The following PRKN variants were observed in gnomAD, a reference collection of about 807,000 sequenced individuals.
The protein encoded by PRKN is E3 ubiquitin-protein ligase parkin.
PRKN carries 56 observed loss-of-function variants against 59.5 expected under a neutral mutation model. The observed-to-expected ratio is 0.94, with a 90% confidence interval of 0.76 to 1.18. The LOEUF (loss-of-function observed/expected upper bound fraction) is 1.18, where lower values mean the gene tolerates loss of function less well. Ranked by LOEUF, PRKN falls within the 50% of genes most tolerant of loss-of-function variation. PRKN has a pLI of 0.00. For synonymous variants in PRKN, 250 were observed against 222.1 expected (o/e 1.13, Z -1.12); for missense variants, 657 against 596.4 (o/e 1.10, Z -1.06).
intron 1 of PRKN, among the ~76,000 whole-genome samples, chr6:162,479,129 C>T (rs1479786941): frequency 6.6e-6 from 1 of 152,074 alleles, no homozygotes; most frequent in Non-Finnish European, 1.5e-5. Context: ...ACCGGTTTAA[C>T]ACACAAATGT....
intron 1 of PRKN, among the ~76,000 whole-genome samples, chr6:162,532,489 A>G (rs916945136): frequency 6.6e-6 from 1 of 152,096 alleles, no homozygotes; most frequent in Non-Finnish European, 1.5e-5. Context: ...CAGGTTTGAT[A>G]TTTCTTACTC....
At chr6:161,644,124 C>T (rs1562579006) in intron 7 of PRKN, among the ~76,000 whole-genome samples, 1 of 152,128 alleles carries the variant, frequency 6.6e-6, no homozygotes, top group Non-Finnish European at 1.5e-5. Context: ...AAAGCATAGT[C>T]TTTTTGAGAG....
intron 6 of PRKN, among the ~76,000 whole-genome samples, chr6:161,925,787 A>G (rs1778947714): frequency 6.6e-6 from 1 of 152,162 alleles, no homozygotes; most frequent in African/African-American, 2.4e-5. Flanking sequence ...TTCAATGGGG[A>G]TAAAACAAAC....
chr6:162,507,424 GA>G lies in PRKN; in HGVS notation c.8-63952del, dbSNP rs200666247. Among the ~76,000 whole-genome samples the G allele has an allele frequency of 8.6e-5, 13 of 151,738 alleles. No homozygotes were observed. In the South Asian group the frequency reaches 1.9e-3, roughly 22 times the overall value. ...CTTCCTGTCTCTCAAAAAAAGAAAA[GA>G]AAAAAAATTATATATATATACGCAT... On this transcript the variant is annotated intron_variant, in intron 1 of 11. Coordinates refer to ENST00000366898, the MANE Select transcript of PRKN (RefSeq NM_004562.3).
At chr6:161,638,577 G>A (rs1176067424) in intron 7 of PRKN, among the ~76,000 whole-genome samples, 1 of 152,070 alleles carries the variant, frequency 6.6e-6, no homozygotes, top group Non-Finnish European at 1.5e-5. Context: ...GAAATCCCTA[G>A]TAATATGGTT....
intron 4 of PRKN, among the ~76,000 whole-genome samples, chr6:162,088,490 T>A (rs1242440118): frequency 1.3e-5 from 2 of 152,144 alleles, no homozygotes; most frequent in Admixed American, 1.3e-4. Context: ...TTAGAAAAAA[T>A]TAAATTGGCT....
chr6:162,041,664 C>T lies in PRKN; in HGVS notation c.618+12427G>A, dbSNP rs541779707. Among the ~76,000 whole-genome samples, 7 of 152,250 alleles carry T rather than the reference C, an allele frequency of 4.6e-5. No homozygotes were observed. In the South Asian group the frequency reaches 1.0e-3, roughly 23 times the overall value. ...AGTTGTGATCACTGGGAAGAAAATG[C>T]GGTGAAATCAGACTAACCCATAGTT... is the stretch of plus-strand genomic sequence containing the variant. On this transcript the variant is annotated intron_variant, in intron 5 of 11. Transcript: ENST00000366898.
At chr6:161,873,298 C>T (rs946209744) in intron 6 of PRKN, among the ~76,000 whole-genome samples, 1 of 151,878 alleles carries the variant, frequency 6.6e-6, no homozygotes, top group African/African-American at 2.4e-5. Context: ...CACTCATTCT[C>T]GCTCCATGTT....
At chr6:161,813,491 GC>G (rs1474194375) in intron 6 of PRKN, among the ~76,000 whole-genome samples, 1 of 152,160 alleles carries the variant, frequency 6.6e-6, no homozygotes, top group Non-Finnish European at 1.5e-5. Context: ...GACCTGTCTG[GC>G]CTTCCATAAT....
intron 9 of PRKN, among the ~76,000 whole-genome samples, chr6:161,509,027 A>G (rs1778279378): frequency 6.6e-6 from 1 of 152,004 alleles, no homozygotes; most frequent in African/African-American, 2.4e-5. Flanking sequence ...TATTTTTAGT[A>G]GAGACAGGGT....
intron 6 of PRKN, among the ~76,000 whole-genome samples, chr6:161,946,145 A>G (rs1613942): frequency 0.24 from 35,808 of 151,974 alleles, 5,000 homozygotes; most frequent in East Asian, 0.37. Flanking sequence ...AATTTTGTCT[A>G]TCTCAGAGAC....
At chr6:161,932,079 T>C (rs1323596339) in intron 6 of PRKN, among the ~76,000 whole-genome samples, 1 of 152,054 alleles carries the variant, frequency 6.6e-6, no homozygotes, top group African/African-American at 2.4e-5. Context: ...GAAAATAAAC[T>C]TCTAATCCTT....
chr6:161,948,188 T>C (rs1285033110), intron 6 of PRKN, among the ~76,000 whole-genome samples: 1 of 152,166 alleles, frequency 6.6e-6, no homozygotes. Flanking sequence ...GATTTCACCA[T>C]GTTGGCCAGG....
chr6:162,057,161 T>C (rs1777901601), intron 4 of PRKN, among the ~76,000 whole-genome samples: 1 of 152,092 alleles, frequency 6.6e-6, no homozygotes, highest in Non-Finnish European at 1.5e-5. Context: ...TCATCATTAA[T>C]ATCACACCAG....
At chr6:162,064,031 A>G (rs913316973) in intron 4 of PRKN, among the ~76,000 whole-genome samples, 7 of 152,340 alleles carry the variant, frequency 4.6e-5, no homozygotes, top group Middle Eastern at 3.4e-3. Context: ...GTCCTTTGAC[A>G]GTGACTAGAA....
intron 7 of PRKN, among the ~76,000 whole-genome samples, chr6:161,630,992 G>C (rs1783283269): frequency 6.6e-6 from 1 of 152,160 alleles, no homozygotes; most frequent in Non-Finnish European, 1.5e-5. Flanking sequence ...GGTGTTTGCG[G>C]GCAGCACTAC....
rs1487208016 is a variant in PRKN, at chr6:161,554,677, A to G, written c.934-5674T>C. Among the ~76,000 whole-genome samples the G allele has an allele frequency of 4.0e-5, 6 of 151,584 alleles. No individual in the cohort carries two copies. The highest frequency in any genetic ancestry group is 1.2e-4 in the African/African-American group (5 of 41,306). On this transcript the variant is annotated intron_variant, in intron 8 of 11. Transcript: ENST00000366898. This position sits in a 1 kb window ranked among gnomAD's most constrained non-coding sequence, Gnocchi z 4.5. ...AATTATAGTTTCTTACAGTATACATATAAGGAATATACAATCCTGATATAC... is the reference window on the plus strand; with the variant it reads ...AATTATAGTTTCTTACAGTATACATGTAAGGAATATACAATCCTGATATAC...
intron 7 of PRKN, among the ~76,000 whole-genome samples, chr6:161,679,216 G>C (rs1562602074): frequency 6.6e-6 from 1 of 152,192 alleles, no homozygotes; most frequent in Non-Finnish European, 1.5e-5. Flanking sequence ...GTGATTCTGA[G>C]TAGCTACTGC....
At chr6:162,587,333 A>T (rs975538885) in intron 1 of PRKN, among the ~76,000 whole-genome samples, 1 of 152,054 alleles carries the variant, frequency 6.6e-6, no homozygotes, top group Non-Finnish European at 1.5e-5. Flanking sequence ...ACAGGGTTTC[A>T]CTATGTTGGC....
Sources: allele counts gnomAD v4.1 joint callset (sites outside exome capture counted in the v4.1 genomes callset), GRCh38; gene constraint gnomAD v4.1.1; non-coding constraint Gnocchi (gnomAD v3.1); transcripts MANE v1.5; gene names NCBI Gene and HGNC (gene_info 2026-07-23, HGNC 2026-07-21).